The following PDE10A variants were observed in gnomAD, a reference collection of about 807,000 sequenced individuals.
PDE10A encodes the protein cAMP and cAMP-inhibited cGMP 3',5'-cyclic phosphodiesterase 10A.
PDE10A carries 39 observed loss-of-function variants against 97.7 expected under a neutral mutation model. The observed-to-expected ratio is 0.40, with a 90% CI of 0.31 to 0.52. The LOEUF (loss-of-function observed/expected upper bound fraction) is 0.52, where lower values mean the gene tolerates loss of function less well. Among genes scored for constraint, PDE10A ranks in the 20% least tolerant of loss-of-function variants. PDE10A has a pLI of 0.56. For synonymous variants in PDE10A, 371 were observed against 376.8 expected (o/e 0.98, Z 0.18); for missense variants, 731 against 1,047.8 (o/e 0.70, Z 4.17).
Position 165,482,332 on chromosome 6 carries a change from G to T in PDE10A, c.1006C>A (p.Pro336Thr). 4 of 1,601,926 alleles carry T rather than the reference G, an allele frequency of 2.5e-6. No homozygotes were observed. The highest frequency in any genetic ancestry group is 3.4e-6 in the Non-Finnish European group (4 of 1,169,150). ...TCACTTACCCTGCTGACTTCCTTAG[G>T]AGCTGATTCATCTGGGGATAGAGAA... ...KNNKSEDESA[P>T]KEVSRYQDTN... Residue 336 changes from proline (P) to threonine (T), a missense_variant, in exon 3 of 22, where the codon CCT (proline) becomes ACT (threonine). Transcript: ENST00000539869.
intron 1 of PDE10A, among the ~76,000 whole-genome samples, chr6:165,760,335 T>A (rs1793220105): frequency 6.6e-6 from 1 of 152,192 alleles, no homozygotes; most frequent in Non-Finnish European, 1.5e-5. Flanking sequence ...GGTCATTTAC[T>A]GCAGCCACCG....
At chr6:165,970,633 A>G (rs1784641074) in intron 1 of PDE10A, among the ~76,000 whole-genome samples, 1 of 152,236 alleles carries the variant, frequency 6.6e-6, no homozygotes, top group African/African-American at 2.4e-5. Flanking sequence ...AAATAAACTT[A>G]GAGGAAAGAA....
chr6:165,401,495 A>C (rs1406390321), intron 13 of PDE10A, among the ~76,000 whole-genome samples: 1 of 152,246 alleles, frequency 6.6e-6, no homozygotes, highest in Non-Finnish European at 1.5e-5. Flanking sequence ...AGAAGCATGT[A>C]TACCTAATTT....
At chr6:165,851,817 AC>A (rs1780581547) in intron 1 of PDE10A, among the ~76,000 whole-genome samples, 1 of 152,152 alleles carries the variant, frequency 6.6e-6, no homozygotes, top group African/African-American at 2.4e-5. Flanking sequence ...CAGGCTGGGC[AC>A]AGTGGCTCAT....
chr6:165,660,075 A>G (rs1790162570), intron 1 of PDE10A: 1 of 152,392 alleles, frequency 6.6e-6, no homozygotes, highest in African/African-American at 2.4e-5. Flanking sequence ...AACTGAGAAA[A>G]GCAGATGTTT....
intron 1 of PDE10A, among the ~76,000 whole-genome samples, chr6:165,628,290 G>C (rs1369939499): frequency 2.6e-5 from 4 of 152,064 alleles, no homozygotes; most frequent in Admixed American, 2.0e-4. Flanking sequence ...AATAATCCAG[G>C]CAAAAGGCTT....
At chr6:165,688,056 G>A (rs1038473976) in intron 1 of PDE10A, among the ~76,000 whole-genome samples, 7 of 152,206 alleles carry the variant, frequency 4.6e-5, no homozygotes, top group Admixed American at 6.5e-5. Flanking sequence ...GAGGGACCAC[G>A]TGGTGTTTTC....
At chr6:165,374,321 C>A (rs1784469823) in intron 18 of PDE10A, among the ~76,000 whole-genome samples, 2 of 151,696 alleles carry the variant, frequency 1.3e-5, no homozygotes, top group Non-Finnish European at 2.9e-5. Flanking sequence ...TTTAAAAGAT[C>A]AAAAATTTGT....
At chr6:165,352,061 C>T (rs1782728594) in intron 18 of PDE10A, among the ~76,000 whole-genome samples, 1 of 152,140 alleles carries the variant, frequency 6.6e-6, no homozygotes. Context: ...ACCATGTTAG[C>T]CAGGCTGGTC....
At chr6:165,619,783 T>C (rs1296857572) in intron 1 of PDE10A, among the ~76,000 whole-genome samples, 1 of 139,142 alleles carries the variant, frequency 7.2e-6, no homozygotes, top group Non-Finnish European at 1.5e-5. Context: ...TGTAGCATAG[T>C]CTAGTGTAGT....
At chr6:165,600,870 C>T (rs924696860) in intron 1 of PDE10A, among the ~76,000 whole-genome samples, 1 of 152,216 alleles carries the variant, frequency 6.6e-6, no homozygotes, top group African/African-American at 2.4e-5. Flanking sequence ...ATTGTTCCTG[C>T]ACTCTTCCCT....
intron 1 of PDE10A, among the ~76,000 whole-genome samples, chr6:165,792,443 C>T (rs1184254217): frequency 2.6e-5 from 4 of 152,212 alleles, no homozygotes; most frequent in Admixed American, 6.5e-5. Context: ...TGCTAGTCAC[C>T]TCGGGTCTCA....
intron 1 of PDE10A, among the ~76,000 whole-genome samples, chr6:165,719,044 C>G (rs1004640693): frequency 1.3e-5 from 2 of 151,832 alleles, no homozygotes; most frequent in Admixed American, 1.3e-4. Flanking sequence ...TGGAATATTA[C>G]AAATTTTAAA....
chr6:165,833,625 C>G (rs1352387248), intron 1 of PDE10A, among the ~76,000 whole-genome samples: 1 of 152,220 alleles, frequency 6.6e-6, no homozygotes, highest in Non-Finnish European at 1.5e-5. Flanking sequence ...ATGAGGGGGG[C>G]CCAAGTTCCT....
chr6:165,628,559 C>T lies in PDE10A; in HGVS notation c.865+33388G>A, dbSNP rs979224828. ...TAATATTTTTGTAGAGATAGGGTCT[C>T]GATATCCAGGCTCGCCTCAAGTGAT... is the stretch of plus-strand genomic sequence containing the variant. On this transcript the variant is annotated intron_variant, in intron 1 of 21. Transcript: ENST00000539869. Among the ~76,000 whole-genome samples, 7 of 151,952 alleles carry T rather than the reference C, an allele frequency of 4.6e-5. No individual in the cohort carries two copies. The East Asian group carries it at 5.8e-4, about 13-fold the overall frequency.
intron 10 of PDE10A, among the ~76,000 whole-genome samples, chr6:165,419,059 CA>C (rs1788514295): frequency 6.6e-6 from 1 of 152,132 alleles, no homozygotes. Context: ...ATTCTGACAC[CA>C]ACTGACACTT....
chr6:165,514,471 T>A (rs539643298), intron 2 of PDE10A, among the ~76,000 whole-genome samples: 2 of 152,298 alleles, frequency 1.3e-5, no homozygotes, highest in South Asian at 4.1e-4. Flanking sequence ...ACCTGCTTGG[T>A]TTTACATTCC....
chr6:165,972,023 G>A (rs1447520904), intron 1 of PDE10A, among the ~76,000 whole-genome samples: 1 of 152,154 alleles, frequency 6.6e-6, no homozygotes, highest in Non-Finnish European at 1.5e-5. Context: ...AGAGGCTGCA[G>A]TCCAGCCTCC....
chr6:165,372,554 A>T (rs1347666888), intron 18 of PDE10A, among the ~76,000 whole-genome samples: 1 of 148,914 alleles, frequency 6.7e-6, no homozygotes, highest in East Asian at 2.0e-4. Flanking sequence ...GAGAACGACA[A>T]ACCACTGCTC....
Sources: gnomAD v4.1 joint callset for allele counts (sites outside exome capture counted in the v4.1 genomes callset) on GRCh38, gnomAD v4.1.1 for gene constraint, MANE v1.5 for transcripts, NCBI Gene and HGNC (gene_info 2026-07-23, HGNC 2026-07-21) for gene names.